Variants in ARFGEF3 observed in about 807,000 individuals in gnomAD.
ARFGEF3 encodes brefeldin A-inhibited guanine nucleotide-exchange protein 3.
In ARFGEF3, 96 loss-of-function variants were observed where a neutral mutation model predicts 221.7. The ratio of observed to expected loss-of-function variants is 0.43; its 90% CI spans 0.37 to 0.51. ARFGEF3 has a LOEUF of 0.51. Ranked by LOEUF, ARFGEF3 falls within the 20% of genes least tolerant of loss-of-function variation. The pLI is 0.00. For synonymous variants in ARFGEF3, 1,145 were observed against 1,126.8 expected (o/e 1.02, Z -0.32); for missense variants, 2,410 against 2,789.9 (o/e 0.86, Z 3.07).
At chr6:138,279,928 G>A in intron 13 of ARFGEF3, 71 bp from the exon 14 acceptor site, 1 of 1,471,770 alleles carries the variant, frequency 6.8e-7, no homozygotes, top group Non-Finnish European at 9.4e-7. Flanking sequence ...TGAAGAGGCA[G>A]CAGAGGCACT....
chr6:138,213,072 A>C (rs1383447272), intron 4 of ARFGEF3, among the ~76,000 whole-genome samples: 1 of 152,004 alleles, frequency 6.6e-6, no homozygotes, highest in African/African-American at 2.4e-5. Flanking sequence ...GGGGCTCACG[A>C]GGTCAGGAGA....
At chr6:138,254,551 G>A (rs1245488090) in intron 9 of ARFGEF3, among the ~76,000 whole-genome samples, 2 of 151,976 alleles carry the variant, frequency 1.3e-5, no homozygotes, top group Admixed American at 6.6e-5. Context: ...CCAACACAGT[G>A]AAACCCTGTC....
intron 18 of ARFGEF3, 105 bp downstream of exon 18, chr6:138,290,073 G>A: frequency 9.2e-7 from 1 of 1,084,052 alleles, no homozygotes; most frequent in Non-Finnish European, 1.3e-6. Context: ...CTGCCAGCAT[G>A]TAAATCAATT....
intron 10 of ARFGEF3, among the ~76,000 whole-genome samples, chr6:138,256,144 A>C (rs1361353791): frequency 6.6e-6 from 1 of 152,156 alleles, no homozygotes; most frequent in Non-Finnish European, 1.5e-5. Context: ...TTTTATACTC[A>C]GGTTGCACAT....
chr6:138,333,103 T>G (rs1166587160), intron 32 of ARFGEF3, among the ~76,000 whole-genome samples: 3 of 152,240 alleles, frequency 2.0e-5, no homozygotes, highest in Non-Finnish European at 4.4e-5. Context: ...TGGCCACAAC[T>G]ATTTTCATAA....
Position 138,162,328 on chromosome 6 carries a change from C to T in ARFGEF3, c.85+157C>T, listed in dbSNP as rs1049111172. Among the ~76,000 whole-genome samples, 2 of 152,198 alleles carry T rather than the reference C, an allele frequency of 1.3e-5. No individual in the cohort carries two copies. Among genetic ancestry groups the T allele is most frequent in the East Asian group, 3.9e-4 (2 of 5,180 alleles). On this transcript the variant is annotated intron_variant, in intron 1 of 33. Transcript: ENST00000251691. This position sits in a 1 kb window ranked among gnomAD's most constrained non-coding sequence, Gnocchi z 4.7. ...GGAAATTGATGTGGGATTTGAGAGT[C>T]TTGGCTCGGGCGTGGACATCAGCCG... is the stretch of plus-strand genomic sequence containing the variant.
rs554860110 is a variant in ARFGEF3, at chr6:138,312,016, C to T, written c.4200+506C>T. Reference sequence around the variant, plus strand: ...AGTAATAATACAAAAACTAGCTAGGCGTGGTGGCATGCGCCTGTAATCTCA... The same window carrying T: ...AGTAATAATACAAAAACTAGCTAGGTGTGGTGGCATGCGCCTGTAATCTCA... On this transcript the variant is annotated intron_variant, in intron 25 of 33. Coordinates refer to ENST00000251691, the MANE Select transcript of ARFGEF3 (RefSeq NM_020340.5). Among the ~76,000 whole-genome samples the T allele has an allele frequency of 2.5e-4, 38 of 152,136 alleles. 2 individuals are homozygous for T. The South Asian group carries it at 6.0e-3, about 24-fold the overall frequency.
intron 8 of ARFGEF3, among the ~76,000 whole-genome samples, chr6:138,248,333 C>T (rs1562366833): frequency 1.3e-5 from 2 of 152,300 alleles, no homozygotes; most frequent in East Asian, 1.9e-4. Context: ...ACCACAGCCT[C>T]GCCGGTGGCA....
intron 10 of ARFGEF3, among the ~76,000 whole-genome samples, chr6:138,258,897 C>T (rs1013452845): frequency 1.3e-5 from 2 of 152,204 alleles, no homozygotes; most frequent in African/African-American, 4.8e-5. Flanking sequence ...TAAGTAGATA[C>T]TTTGCATATG....
chr6:138,284,579 T>C (rs1465081791), intron 14 of ARFGEF3, among the ~76,000 whole-genome samples: 1 of 152,110 alleles, frequency 6.6e-6, no homozygotes, highest in Non-Finnish European at 1.5e-5. Flanking sequence ...TAAAGAGTGG[T>C]TTGTTGAGCT....
rs192881171 is a variant in ARFGEF3 at position 138,201,318 on chromosome 6, G to A, written c.138-5724G>A. Among the ~76,000 whole-genome samples, 5 of 152,272 alleles carry A rather than the reference G, an allele frequency of 3.3e-5. No individual in the cohort carries two copies. In the East Asian group the frequency reaches 9.7e-4, roughly 29 times the overall value. ...ATTTGATCCAGCAATCCCACTACTGGATATCTACTCAGAGGAAAAGAAGTC... is the reference window on the plus strand; with the variant it reads ...ATTTGATCCAGCAATCCCACTACTGAATATCTACTCAGAGGAAAAGAAGTC... On this transcript the variant is annotated intron_variant, in intron 2 of 33. Transcript: ENST00000251691.
intron 2 of ARFGEF3, among the ~76,000 whole-genome samples, chr6:138,191,838 C>T (rs888393768): frequency 1.3e-5 from 2 of 152,164 alleles, no homozygotes; most frequent in African/African-American, 4.8e-5. Flanking sequence ...AATGCAGACA[C>T]CTAAATGCAC....
At position 138,307,318 on chromosome 6, in the gene ARFGEF3, C is replaced by T. The variant is rs1426791886; in HGVS notation, c.3894C>T (p.Pro1298=). 1 of 1,614,010 alleles carries T rather than the reference C, an allele frequency of 6.2e-7. No individual in the cohort carries two copies. Among genetic ancestry groups the T allele is most frequent in the Non-Finnish European group, 8.5e-7 (1 of 1,179,876 alleles). ...CGCAGATCCAGTCGGGATGGAGACCCTTGTTCAGTGCCCTGGAAACAGTGC... is the reference window on the plus strand; with the variant it reads ...CGCAGATCCAGTCGGGATGGAGACCTTTGTTCAGTGCCCTGGAAACAGTGC... The part of the protein sequence containing the change: ...CSTQIQSGWR[P]LFSALETVHG... Residue 1298 remains proline (P), a synonymous_variant, in exon 23 of 34, where the codon CCC becomes CCT. Transcript: ENST00000251691.
chr6:138,184,398 G>A lies in ARFGEF3; in HGVS notation c.137+13685G>A, dbSNP rs144243487. Among the ~76,000 whole-genome samples the A allele has an allele frequency of 2.2e-3, 337 of 152,210 alleles. 1 individual carries two copies. The highest frequency in any genetic ancestry group is 7.6e-3 in the African/African-American group (316 of 41,532). ...AAATGAATTAACATTCACAACAAGTGAATGAAATGTCACTAGTAAACAGGC... is the reference window on the plus strand; with the variant it reads ...AAATGAATTAACATTCACAACAAGTAAATGAAATGTCACTAGTAAACAGGC... On this transcript the variant is annotated intron_variant, in intron 2 of 33. Coordinates refer to ENST00000251691, the MANE Select transcript of ARFGEF3 (RefSeq NM_020340.5).
At chr6:138,184,829 A>G (rs1015341256) in intron 2 of ARFGEF3, among the ~76,000 whole-genome samples, 1 of 152,186 alleles carries the variant, frequency 6.6e-6, no homozygotes, top group Non-Finnish European at 1.5e-5. Context: ...TGATGGAGCT[A>G]TGGGTGGGAC....
rs766701884 is a variant in ARFGEF3 at position 138,290,008 on chromosome 6, G to T, written c.3047+40G>T. On this transcript the variant is annotated intron_variant, in intron 18 of 33. Coordinates refer to ENST00000251691, the MANE Select transcript of ARFGEF3 (RefSeq NM_020340.5). ...CCCACCCCCAGATGGCACTAACCCT[G>T]CCTTGGGAAACCTGGAGTGGGCTGT... 7 of 1,573,562 alleles carry T rather than the reference G, an allele frequency of 4.4e-6. No individual in the cohort carries two copies. In the South Asian group the frequency reaches 5.8e-5, roughly 13 times the overall value.
chr6:138,172,353 G>T (rs1164431740), intron 2 of ARFGEF3, among the ~76,000 whole-genome samples: 1 of 152,116 alleles, frequency 6.6e-6, no homozygotes, highest in Non-Finnish European at 1.5e-5. Context: ...ACGTTGCCAC[G>T]TCTCCTTTTC....
chr6:138,278,407 C>T (rs759803525), intron 12 of ARFGEF3, 44 bp from the exon 13 acceptor site: 1 of 1,587,770 alleles, frequency 6.3e-7, no homozygotes, highest in Non-Finnish European at 8.6e-7. Context: ...CCTTGCCAAG[C>T]ACACTGTTCA....
intron 4 of ARFGEF3, among the ~76,000 whole-genome samples, chr6:138,222,516 G>A (rs1035777434): frequency 6.6e-6 from 1 of 152,186 alleles, no homozygotes; most frequent in Non-Finnish European, 1.5e-5. Flanking sequence ...ACAACTGGCA[G>A]TGGGAAGGAG....
Sources: gnomAD v4.1 joint callset for allele counts (sites outside exome capture counted in the v4.1 genomes callset) on GRCh38, gnomAD v4.1.1 for gene constraint, Gnocchi (gnomAD v3.1) non-coding constraint, MANE v1.5 for transcripts, NCBI Gene and HGNC (gene_info 2026-07-23, HGNC 2026-07-21) for gene names.